Variants in LINGO2 observed in about 807,000 individuals in gnomAD.
The protein encoded by LINGO2 is leucine-rich repeat and immunoglobulin-like domain-containing nogo receptor-interacting protein 2.
Under a neutral mutation model 30.6 loss-of-function variants are expected in LINGO2, and 14 were observed. That is an observed-to-expected ratio of 0.46 (90% CI 0.30 to 0.72). The LOEUF (loss-of-function observed/expected upper bound fraction) is 0.72, where lower values mean the gene tolerates loss of function less well. Ranked by LOEUF, LINGO2 falls within the 30% of genes least tolerant of loss-of-function variation. The pLI is 0.07. For synonymous variants in LINGO2, 317 were observed against 288.5 expected (o/e 1.10, Z -1.00); for missense variants, 729 against 751.7 (o/e 0.97, Z 0.35).
chr9:29,055,391 T>C, the LINGO2 span, among the ~76,000 whole-genome samples: 1 of 152,296 alleles, frequency 6.6e-6, no homozygotes, highest in South Asian at 2.1e-4. Context: ...TACTTCCTTA[T>C]TAAGGCTGAA....
chr9:28,022,990 T>C lies in LINGO2; in HGVS notation c.-86-10585A>G, dbSNP rs149164258. On this transcript the variant is annotated intron_variant, in intron 4 of 5. Coordinates refer to ENST00000379992, the Ensembl canonical transcript of LINGO2. ...AACTCCTCAAAGACATTTTTCATTC[T>C]ATTTTTTATTTCTAGCATTTTGATT... Among the ~76,000 whole-genome samples, 55 of 152,280 alleles carry C rather than the reference T, an allele frequency of 3.6e-4. 1 individual carries two copies. In the East Asian group the frequency reaches 9.3e-3, roughly 26 times the overall value.
At chr9:27,989,445 C>CTCTGTGTGTGTGTGTGTG in intron 5 of LINGO2, among the ~76,000 whole-genome samples, 1 of 150,496 alleles carries the variant, frequency 6.6e-6, no homozygotes, top group East Asian at 2.0e-4. Context: ...TGAATGCTCT[C>CTCTGTGTGTGTGTGTGTG]TGTGTGTGTG....
At chr9:28,583,981 G>T (rs974438621) in intron 1 of LINGO2, among the ~76,000 whole-genome samples, 17 of 152,020 alleles carry the variant, frequency 1.1e-4, no homozygotes, top group Non-Finnish European at 2.2e-4. Flanking sequence ...GATTTGGCCA[G>T]ATTTCAATTC....
intron 5 of LINGO2, among the ~76,000 whole-genome samples, chr9:28,005,889 T>C (rs1356305401): frequency 6.6e-6 from 1 of 152,080 alleles, no homozygotes; most frequent in Non-Finnish European, 1.5e-5. Flanking sequence ...CCTGGCCCAG[T>C]ATTCCTTCTT....
At chr9:28,653,667 G>C (rs968228795) in intron 1 of LINGO2, among the ~76,000 whole-genome samples, 1 of 152,100 alleles carries the variant, frequency 6.6e-6, no homozygotes, top group Non-Finnish European at 1.5e-5. Context: ...ATATAAATAA[G>C]AGTCAAATAC....
chr9:29,121,111 G>A, the LINGO2 span, among the ~76,000 whole-genome samples: 1 of 152,040 alleles, frequency 6.6e-6, no homozygotes, highest in African/African-American at 2.4e-5. Flanking sequence ...AAATTCAGAG[G>A]CTTACAACAA....
the LINGO2 span, among the ~76,000 whole-genome samples, chr9:28,860,367 A>G: frequency 2.0e-5 from 3 of 152,138 alleles, no homozygotes; most frequent in South Asian, 2.1e-4. Flanking sequence ...GGCCTCACCT[A>G]TAAGTTGAAA....
At chr9:29,158,348 C>A in the LINGO2 span, among the ~76,000 whole-genome samples, 1 of 151,866 alleles carries the variant, frequency 6.6e-6, no homozygotes, top group Non-Finnish European at 1.5e-5. Flanking sequence ...AGAGCAAGAC[C>A]CTGTCTCAAA....
intron 5 of LINGO2, among the ~76,000 whole-genome samples, chr9:27,976,462 T>C (rs954327021): frequency 2.0e-5 from 3 of 152,216 alleles, no homozygotes; most frequent in South Asian, 4.1e-4. Flanking sequence ...AGCAAACTGC[T>C]TAACAATTAA....
At chr9:28,651,147 T>C (rs62550181) in intron 1 of LINGO2, among the ~76,000 whole-genome samples, 9,206 of 150,294 alleles carry the variant, frequency 0.061, 474 homozygotes, top group Admixed American at 0.18. Flanking sequence ...TGTGACACTG[T>C]ACTCCAGCCT....
intron 4 of LINGO2, among the ~76,000 whole-genome samples, chr9:28,073,746 G>A (rs1825546971): frequency 6.6e-6 from 1 of 152,102 alleles, no homozygotes; most frequent in Non-Finnish European, 1.5e-5. Context: ...ATTTTGAAGG[G>A]GCCAGGAGCA....
chr9:28,201,293 T>G (rs1317614096), intron 4 of LINGO2, among the ~76,000 whole-genome samples: 2 of 145,332 alleles, frequency 1.4e-5, no homozygotes, highest in Non-Finnish European at 3.0e-5. Flanking sequence ...GTGATCTCAT[T>G]GTTCAATTCC....
At chr9:28,392,684 C>A (rs1424447685) in intron 2 of LINGO2, among the ~76,000 whole-genome samples, 3 of 152,148 alleles carry the variant, frequency 2.0e-5, no homozygotes, top group Non-Finnish European at 4.4e-5. Context: ...CCTCTAATCA[C>A]TTGGTGTTTC....
At chr9:28,814,644 T>G in the LINGO2 span, among the ~76,000 whole-genome samples, 1 of 152,124 alleles carries the variant, frequency 6.6e-6, no homozygotes, top group Non-Finnish European at 1.5e-5. Context: ...TCCCAGCACT[T>G]TGGGAGGCCG....
At chr9:28,869,576 A>C in the LINGO2 span, among the ~76,000 whole-genome samples, 20 of 152,112 alleles carry the variant, frequency 1.3e-4, no homozygotes, top group Admixed American at 1.1e-3. Flanking sequence ...AGGAAGAAAA[A>C]AGATGAAAAT....
the LINGO2 span, among the ~76,000 whole-genome samples, chr9:28,698,662 G>T: frequency 6.6e-6 from 1 of 151,838 alleles, no homozygotes. Context: ...TTTCAGGTTA[G>T]TTTCACAATA....
At chr9:28,005,282 A>G (rs575213705) in intron 5 of LINGO2, among the ~76,000 whole-genome samples, 1 of 152,278 alleles carries the variant, frequency 6.6e-6, no homozygotes, top group East Asian at 1.9e-4. Flanking sequence ...AGAAGTTAAG[A>G]CCATGTGTAG....
chr9:28,733,219 T>TA, the LINGO2 span, among the ~76,000 whole-genome samples: 8 of 150,714 alleles, frequency 5.3e-5, no homozygotes, highest in South Asian at 2.1e-4. Flanking sequence ...TGGAGGGGGG[T>TA]AAAAAAAAAG....
At chr9:28,485,378 G>A (rs1274737205) in intron 1 of LINGO2, among the ~76,000 whole-genome samples, 1 of 152,000 alleles carries the variant, frequency 6.6e-6, no homozygotes, top group Non-Finnish European at 1.5e-5. Context: ...AGAACCTACA[G>A]TCTAGTTATG....
Sources: allele counts gnomAD v4.1 joint callset (sites outside exome capture counted in the v4.1 genomes callset), GRCh38; gene constraint gnomAD v4.1.1; transcripts MANE v1.5; gene names NCBI Gene and HGNC (gene_info 2026-07-23, HGNC 2026-07-21).